Variants in SEPTIN10 observed in about 807,000 individuals in gnomAD.
SEPTIN10 encodes septin 10, also known as septin-10.
SEPTIN10 carries 66 observed loss-of-function variants against 54.8 expected under a neutral mutation model. The observed-to-expected ratio is 1.21, with a 90% CI of 0.99 to 1.48. The LOEUF (loss-of-function observed/expected upper bound fraction) is 1.48, where lower values mean the gene tolerates loss of function less well. Among genes scored for constraint, SEPTIN10 ranks in the 40% most tolerant of loss-of-function variants. The pLI is 0.00. For missense variants in SEPTIN10, 620 were observed against 545.6 expected (o/e 1.14, Z -1.36); for synonymous variants, 161 against 181.0 (o/e 0.89, Z 0.89).
In SEPTIN10 at chr2:109,603,798, G is replaced by A. The variant is rs984847650; in HGVS notation, c.30+10000C>T. On this transcript the variant is annotated intron_variant, in intron 1 of 10. Coordinates refer to ENST00000397712, the MANE Select transcript of SEPTIN10 (RefSeq NM_144710.5). ...TTTCCTAGCAAATAAAGACAAGACA[G>A]GTTGGGCGTGGTGGGTCCTGAGGTC... Among the ~76,000 whole-genome samples the A allele has an allele frequency of 2.6e-5, 4 of 152,212 alleles. No individual in the cohort carries two copies. In the South Asian group the frequency reaches 8.3e-4, roughly 32 times the overall value.
intron 4 of SEPTIN10, 43 bp downstream of exon 4, chr2:109,585,083 G>T: frequency 7.6e-7 from 1 of 1,323,738 alleles, no homozygotes; most frequent in Non-Finnish European, 1.0e-6. Flanking sequence ...CGAATGTCTT[G>T]AAATAAGAAA....
intron 7 of SEPTIN10, among the ~76,000 whole-genome samples, chr2:109,564,848 T>C (rs1173335978): frequency 2.0e-5 from 3 of 152,242 alleles, no homozygotes; most frequent in Admixed American, 6.5e-5. Flanking sequence ...CACACTAATA[T>C]TTTGTTAGCA....
At chr2:109,571,119 T>C (rs570161331) in intron 5 of SEPTIN10, among the ~76,000 whole-genome samples, 78 of 152,292 alleles carry the variant, frequency 5.1e-4, no homozygotes, top group African/African-American at 1.7e-3. Flanking sequence ...TCTCAGGTCA[T>C]ATAAGACATG....
intron 5 of SEPTIN10, among the ~76,000 whole-genome samples, chr2:109,570,547 C>T (rs990829401): frequency 2.0e-5 from 3 of 148,608 alleles, no homozygotes; most frequent in African/African-American, 4.9e-5. Context: ...TTTTCCAAGA[C>T]GGAGTCTAGC....
chr2:109,559,120 A>G (rs1685046074), intron 8 of SEPTIN10, among the ~76,000 whole-genome samples: 1 of 152,168 alleles, frequency 6.6e-6, no homozygotes, highest in Non-Finnish European at 1.5e-5. Context: ...TCCTGACCTC[A>G]GGTGATCCAC....
In SEPTIN10 at chr2:109,574,703, T is replaced by C; in HGVS notation, c.478A>G (p.Ile160Val). 1 of 1,607,446 alleles carries C rather than the reference T, an allele frequency of 6.2e-7. No homozygotes were observed. Among genetic ancestry groups the C allele is most frequent in the Non-Finnish European group, 8.5e-7 (1 of 1,176,930 alleles). ...FEAYLQEELK[I>V]KRSLFTYHDS... ...TGGTAGGTAAAGAGAGAACGCTTAA[T>C]CTTCAGTTCTTCTTGGAGATAGGCC... The change falls in exon 5 of 11, where the codon ATT becomes GTT. Residue 160 changes from isoleucine (I) to valine (V), a missense_variant. Transcript: ENST00000397712.
rs1223057955 is a variant in SEPTIN10 at position 109,585,724 on chromosome 2, C to T, written c.214G>A (p.Val72Met). ...QQGFCFNILC[V>M]GETGIGKSTL... is the part of the protein sequence containing the mutation. ...AGGAAGAGTAGGTGGCACGTACCCA[C>T]ACAGAGAATATTAAAGCAGAAACCT... The change falls in exon 3 of 11, where the codon GTG (valine) becomes ATG (methionine). Residue 72 changes from valine to methionine, a missense_variant. Transcript: ENST00000397712. 1 of 1,609,626 alleles carries T rather than the reference C, an allele frequency of 6.2e-7. No homozygotes were observed.
intron 1 of SEPTIN10, among the ~76,000 whole-genome samples, chr2:109,607,260 C>CA (rs371040260): frequency 2.0e-5 from 3 of 152,248 alleles, no homozygotes; most frequent in African/African-American, 7.2e-5. Flanking sequence ...AACAATATTA[C>CA]AAACAGCTAA....
intron 10 of SEPTIN10, chr2:109,544,862 A>G (rs1314897236): frequency 2.8e-5 from 23 of 830,046 alleles, no homozygotes; most frequent in Non-Finnish European, 3.2e-5. Flanking sequence ...TGAACAAGAT[A>G]AAGATCCATG....
intron 7 of SEPTIN10, among the ~76,000 whole-genome samples, chr2:109,565,136 T>A (rs1474866314): frequency 6.6e-6 from 1 of 152,176 alleles, no homozygotes; most frequent in Non-Finnish European, 1.5e-5. Context: ...AGTATAATTA[T>A]TACTTTTACA....
rs182138654 is a variant in SEPTIN10, at chr2:109,581,105, C to T, written c.413+4021G>A. Among the ~76,000 whole-genome samples, 413 of 152,288 alleles carry T rather than the reference C, an allele frequency of 2.7e-3. 1 individual carries two copies. The highest frequency in any genetic ancestry group is 9.4e-3 in the African/African-American group (391 of 41,550). ...GAGCTATGCTAGTGGTTACAACATG[C>T]TATATGCTTCTGAAAATTCATTTTG... On this transcript the variant is annotated intron_variant, in intron 4 of 10. Transcript: ENST00000397712.
At chr2:109,577,290 C>T (rs758760727) in intron 4 of SEPTIN10, among the ~76,000 whole-genome samples, 12 of 152,048 alleles carry the variant, frequency 7.9e-5, no homozygotes, top group Admixed American at 2.6e-4. Context: ...AATAATACCT[C>T]GTGTAGTTAA....
intron 9 of SEPTIN10, among the ~76,000 whole-genome samples, chr2:109,548,301 T>G (rs1030698950): frequency 1.4e-4 from 21 of 152,218 alleles, no homozygotes; most frequent in African/African-American, 5.1e-4. Flanking sequence ...TTTTTGGTCC[T>G]CTGATCTGGT....
intron 1 of SEPTIN10, chr2:109,613,082 C>A (rs754650340): frequency 1.4e-6 from 1 of 715,418 alleles, no homozygotes; most frequent in Non-Finnish European, 2.2e-6. Context: ...AGGCATCGGG[C>A]CTCCAAACGG....
At chr2:109,560,642 T>G (rs1685450035) in intron 8 of SEPTIN10, among the ~76,000 whole-genome samples, 1 of 152,228 alleles carries the variant, frequency 6.6e-6, no homozygotes, top group African/African-American at 2.4e-5. Context: ...GTCACTTTGC[T>G]GTTTCAGAGG....
chr2:109,583,388 C>T (rs982499078), intron 4 of SEPTIN10, among the ~76,000 whole-genome samples: 1 of 152,102 alleles, frequency 6.6e-6, no homozygotes, highest in Non-Finnish European at 1.5e-5. Context: ...CATGACAAAA[C>T]GCTCAACATA....
Position 109,560,688 on chromosome 2 carries a change from C to T in SEPTIN10, c.1028+3678G>A, listed in dbSNP as rs898519218. 1.6e-4 allele frequency among the ~76,000 whole-genome samples: 24 copies of T among 152,190 alleles called. 1 individual carries two copies. On this transcript the variant is annotated intron_variant, in intron 8 of 10. Coordinates refer to ENST00000397712, the MANE Select transcript of SEPTIN10 (RefSeq NM_144710.5). Reference sequence around the variant, plus strand: ...TCAACAGGTCCCAAACTGTGACCTCCATTGTGCCTACCACTGCTGCCTCAC... The same window carrying T: ...TCAACAGGTCCCAAACTGTGACCTCTATTGTGCCTACCACTGCTGCCTCAC...
At chr2:109,606,934 G>A (rs1237209312) in intron 1 of SEPTIN10, among the ~76,000 whole-genome samples, 4 of 152,036 alleles carry the variant, frequency 2.6e-5, no homozygotes, top group African/African-American at 9.7e-5. Context: ...TTACAGGCAT[G>A]AGCCACCACG....
chr2:109,592,427 C>T (rs28361394), intron 2 of SEPTIN10, among the ~76,000 whole-genome samples: 2,512 of 149,100 alleles, frequency 0.017, 65 homozygotes, highest in African/African-American at 0.058. Flanking sequence ...ATTGCACCAT[C>T]GCATTCCAGC....
Sources: gnomAD v4.1 joint callset for allele counts (sites outside exome capture counted in the v4.1 genomes callset) on GRCh38, gnomAD v4.1.1 for gene constraint, MANE v1.5 for transcripts, NCBI Gene and HGNC (gene_info 2026-07-23, HGNC 2026-07-21) for gene names.